Variants in ANO7 observed in about 807,000 individuals in gnomAD.
ANO7 encodes anoctamin-7.
In ANO7, 114 loss-of-function variants were observed where a neutral mutation model predicts 115.8. That is an observed-to-expected ratio of 0.98 (90% confidence interval 0.85 to 1.15). ANO7 has a LOEUF of 1.15. Ranked by LOEUF, ANO7 falls within the 50% of genes most tolerant of loss-of-function variation. The pLI, the probability that ANO7 is intolerant of heterozygous loss-of-function variation, is 0.00. For synonymous variants in ANO7, 550 were observed against 498.2 expected (o/e 1.10, Z -1.38); for missense variants, 1,302 against 1,201.2 (o/e 1.08, Z -1.24).
At chr2:241,197,915 T>C (rs573008580) in intron 4 of ANO7, among the ~76,000 whole-genome samples, 86 of 151,530 alleles carry the variant, frequency 5.7e-4, no homozygotes, top group Middle Eastern at 7.1e-3. Context: ...CCTCCCAAAG[T>C]GCCGGGATCA....
At chr2:241,199,705 G>A (rs752323989) in intron 5 of ANO7, among the ~76,000 whole-genome samples, 1 of 152,246 alleles carries the variant, frequency 6.6e-6, no homozygotes, top group Non-Finnish European at 1.5e-5. Flanking sequence ...ACCTGCTGAG[G>A]GCCCTGCCTA....
At position 241,191,312 on chromosome 2, in the gene ANO7, G is replaced by T; in HGVS notation, c.166+61G>T. On this transcript the variant is annotated intron_variant, in intron 3 of 24. Coordinates refer to ENST00000674324, the MANE Select transcript of ANO7 (RefSeq NM_001370694.2). ...TGGTCCTGAGGGTGGGGACACCACG[G>T]GGGTGCCCCCAGGGGCAGCAGGCTG... The T allele has an allele frequency of 4.4e-6, 7 of 1,597,170 alleles. No individual in the cohort carries two copies. In the South Asian group the frequency reaches 7.8e-5, roughly 18 times the overall value.
At chr2:241,213,303 C>A (rs1359910742) in intron 17 of ANO7, among the ~76,000 whole-genome samples, 1 of 152,208 alleles carries the variant, frequency 6.6e-6, no homozygotes, top group Non-Finnish European at 1.5e-5. Flanking sequence ...TCAGGGATCT[C>A]CCTGTGGCCA....
chr2:241,194,910 C>T (rs377452269), intron 3 of ANO7, among the ~76,000 whole-genome samples: 7 of 152,218 alleles, frequency 4.6e-5, no homozygotes, highest in African/African-American at 9.6e-5. Flanking sequence ...CCTTACTCCT[C>T]GGGTGTGGCC....
intron 22 of ANO7, 107 bp downstream of exon 22, chr2:241,223,383 G>A (rs781354787): frequency 4.7e-6 from 6 of 1,280,058 alleles, no homozygotes; most frequent in East Asian, 2.3e-5. Flanking sequence ...ACTTCCTGCT[G>A]TGTCATCTTG....
rs141614709 is a variant in ANO7, at chr2:241,223,250, C to T, written c.2386C>T (p.Arg796Cys). ...SQTYWNLLAI[R>C]LAFVIVFEHV... ...GACCTACTGGAATCTTCTTGCCATC[C>T]GCCTGGCCTTCGTCATTGTGTTTGA... Residue 796 changes from arginine (R) to cysteine (C), a missense_variant, in exon 22 of 25, where the codon CGC (arginine) becomes TGC (cysteine). Arg to Cys is a radical substitution (Grantham distance 180, BLOSUM62 -3). Transcript: ENST00000674324. The T allele has an allele frequency of 2.9e-5, 47 of 1,614,142 alleles. No individual in the cohort carries two copies. Among genetic ancestry groups the T allele is most frequent in the Middle Eastern group, 3.3e-4 (2 of 6,084 alleles).
intron 21 of ANO7, among the ~76,000 whole-genome samples, chr2:241,222,679 A>G (rs1177299351): frequency 1.3e-5 from 2 of 152,170 alleles, no homozygotes; most frequent in Non-Finnish European, 2.9e-5. Context: ...GGAATGTCAC[A>G]TCTTTACCAT....
At chr2:241,192,339 A>G (rs889773259) in intron 3 of ANO7, among the ~76,000 whole-genome samples, 1 of 152,042 alleles carries the variant, frequency 6.6e-6, no homozygotes, top group Non-Finnish European at 1.5e-5. Flanking sequence ...GAAAAAAAAA[A>G]GTACCACGGC....
rs145834243 is a variant in ANO7, at chr2:241,210,463, G to A, written c.1459-5G>A. The A allele has an allele frequency of 9.4e-3, 15,250 of 1,613,966 alleles. 100 individuals are homozygous for A. The highest frequency in any genetic ancestry group is 0.012 in the Non-Finnish European group (13,940 of 1,179,966). On this transcript the variant is annotated splice_region_variant and splice_polypyrimidine_tract_variant and intron_variant, in intron 14 of 24. Transcript: ENST00000674324. The stretch of plus-strand genomic sequence containing the variant: ...ATCCGGCTCTGACGGCCTGTCTCCC[G>A]TTAGGCCTCTCGCATCGCCAGCCTC...
chr2:241,222,269 A>AATAAAT (rs1275422068), intron 21 of ANO7, among the ~76,000 whole-genome samples: 14 of 150,812 alleles, frequency 9.3e-5, no homozygotes, highest in African/African-American at 3.4e-4. Context: ...TAAATAAATA[A>AATAAAT]ATAAAGTGCT....
chr2:241,214,771 C>T, intron 17 of ANO7, 34 bp from the exon 18 acceptor site: 5 of 1,586,100 alleles, frequency 3.2e-6, no homozygotes, highest in Non-Finnish European at 3.4e-6. Flanking sequence ...GGCTGGTCCC[C>T]CTCTCCCAGC....
At chr2:241,231,067 C>T in the ANO7 span, 41 of 819,000 alleles carry the variant, frequency 5.0e-5, no homozygotes, top group Non-Finnish European at 6.6e-5. Context: ...AACGTCACGG[C>T]TGATTTAAAA....
intron 10 of ANO7, among the ~76,000 whole-genome samples, chr2:241,205,328 G>C (rs1375463503): frequency 6.6e-6 from 1 of 151,754 alleles, no homozygotes; most frequent in African/African-American, 2.4e-5. Context: ...GGATAGGAGT[G>C]CTCCCAGGCT....
the ANO7 span, chr2:241,235,631 T>C: frequency 4.1e-6 from 6 of 1,463,986 alleles, no homozygotes; most frequent in East Asian, 1.4e-4. Context: ...CCGTGGGAGC[T>C]GAGAGCAGAG....
chr2:241,217,899 C>A lies in ANO7; in HGVS notation c.2178+8C>A, dbSNP rs767966900. 5.9e-6 allele frequency: 9 copies of A among 1,525,994 alleles called. No homozygotes were observed. The African/African-American group carries it at 8.6e-5, about 15-fold the overall frequency. The allele number at this position is 1,525,994 out of a possible 1,614,324, so 94.5% of individuals were successfully genotyped here. A position where few individuals can be genotyped will look rare whatever the true frequency, so the allele number is the denominator to read the frequency against. ...CTGGCGGTCATCAGCAACGTGAGGC[C>A]CGGGCGGGAGCGCGGGGCGGGGCGG... is the stretch of plus-strand genomic sequence containing the variant. On this transcript the variant is annotated splice_region_variant and intron_variant, in intron 20 of 24. Coordinates refer to ENST00000674324, the MANE Select transcript of ANO7 (RefSeq NM_001370694.2).
In ANO7 at chr2:241,201,447, G is replaced by GCTTGAGACCAGAGGGCCGAGGC. The variant is rs1348275582; in HGVS notation, c.612+95_612+116dup. ...AGCCTCCATGGATGCAGAAAGGCCT[G>GCTTGAGACCAGAGGGCCGAGGC]CTTGAGACCAGAGGGCCGAGGCCTG... On this transcript the variant is annotated intron_variant, in intron 7 of 24. Transcript: ENST00000674324. 2.1e-6 allele frequency: 3 copies of GCTTGAGACCAGAGGGCCGAGGC among 1,411,986 alleles called. No homozygotes were observed. In the African/African-American group the frequency reaches 4.3e-5, roughly 20 times the overall value. 87.5% of individuals were successfully genotyped at this position (1,411,986 alleles called of 1,614,324 possible).
downstream of ANO7, among the ~76,000 whole-genome samples, chr2:241,226,683 CA>C (rs376056982): frequency 4.9e-4 from 74 of 152,328 alleles, no homozygotes; most frequent in Non-Finnish European, 8.2e-4. Context: ...CTCGGCTTCC[CA>C]AAGTGCTGGG....
intron 14 of ANO7, 24 bp downstream of exon 14, chr2:241,210,417 G>A (rs754943320): frequency 6.2e-7 from 1 of 1,613,712 alleles, no homozygotes; most frequent in East Asian, 2.2e-5. Context: ...GCCTGCCTCG[G>A]GGGGCCCTGA....
chr2:241,227,739 TG>T (rs1410175799), downstream of ANO7: 1 of 152,434 alleles, frequency 6.6e-6, no homozygotes, highest in African/African-American at 2.4e-5. Context: ...CCCGCTGCGA[TG>T]GAGATTGGGG....
Sources: gnomAD v4.1 joint callset for allele counts (sites outside exome capture counted in the v4.1 genomes callset) on GRCh38, gnomAD v4.1.1 for gene constraint, MANE v1.5 for transcripts, NCBI Gene and HGNC (gene_info 2026-07-23, HGNC 2026-07-21) for gene names.